The following SAXO1 variants were observed in gnomAD, a reference collection of about 807,000 sequenced individuals.
SAXO1 encodes the protein 4930500O09Rik.
SAXO1 carries 21 observed loss-of-function variants against 17.5 expected under a neutral mutation model. That is an observed-to-expected ratio of 1.20 (90% CI 0.85 to 1.72). The LOEUF (loss-of-function observed/expected upper bound fraction) is 1.72, where lower values mean the gene tolerates loss of function less well. Ranked by LOEUF, SAXO1 falls within the 40% of genes most tolerant of loss-of-function variation. The probability of loss-of-function intolerance (pLI) is 0.00; values close to 1 mark genes in which losing one functional copy is unlikely to be tolerated. For missense variants in SAXO1, 843 were observed against 596.0 expected (o/e 1.41, Z -4.32); for synonymous variants, 274 against 216.5 (o/e 1.27, Z -2.33).
rs1182301177 is a variant in SAXO1 at position 19,049,162 on chromosome 9, T to C, written c.-158+47A>G. ...GGTGGTGGTGGCGGTTGGGGCTTTTTTTGGCCACGAGAGGGCAGCATTTCC... is the reference window on the plus strand; with the variant it reads ...GGTGGTGGTGGCGGTTGGGGCTTTTCTTGGCCACGAGAGGGCAGCATTTCC... On this transcript the variant is annotated intron_variant, in intron 1 of 3. Coordinates refer to the SAXO1 transcript ENST00000542071. The surrounding 1 kb of genome is among the most constrained non-coding windows in gnomAD (Gnocchi z 5.4). The C allele has an allele frequency of 1.3e-5, 2 of 152,604 alleles. No individual in the cohort carries two copies. The highest frequency in any genetic ancestry group is 3.9e-4 in the East Asian group (2 of 5,180). The allele number at this position is 152,604 out of a possible 1,614,324, so 9.5% of individuals were successfully genotyped here.
rs182334588 is a variant in SAXO1, at chr9:18,950,176, A to G, written c.218+582T>C. On this transcript the variant is annotated intron_variant, in intron 2 of 3. Coordinates refer to ENST00000380534, the MANE Select transcript of SAXO1 (RefSeq NM_153707.4). ...CTGAACCATGTGGCTCAGCCTCTGC[A>G]CAGACCTAGAGCTAAACAATCTTAG... 2.9e-3 allele frequency among the ~76,000 whole-genome samples: 439 copies of G among 152,318 alleles called. 5 individuals are homozygous for G. The South Asian group carries it at 0.043, about 15-fold the overall frequency.
Position 19,027,236 on chromosome 9 carries a change from A to G in SAXO1, c.38+5635T>C, listed in dbSNP as rs879007223. 4.1e-5 allele frequency: 46 copies of G among 1,124,900 alleles called. No homozygotes were observed. In the South Asian group the frequency reaches 4.9e-4, roughly 12 times the overall value. The allele number at this position is 1,124,900 out of a possible 1,614,324, so 69.7% of individuals were successfully genotyped here. A position where few individuals can be genotyped will look rare whatever the true frequency, so the allele number is the denominator to read the frequency against. On this transcript the variant is annotated intron_variant, in intron 1 of 3. Coordinates refer to ENST00000380534, the MANE Select transcript of SAXO1 (RefSeq NM_153707.4). The stretch of plus-strand genomic sequence containing the variant: ...TGATCAAAACCTCTACACGACAGAC[A>G]TACTTCCTACCTGTGATTGGATTGG...
intron 3 of SAXO1, among the ~76,000 whole-genome samples, chr9:18,937,188 A>T (rs1831333100): frequency 6.6e-6 from 1 of 152,220 alleles, no homozygotes; most frequent in Admixed American, 6.5e-5. Context: ...GACCCCTCAT[A>T]AATGCATGGG....
intron 1 of SAXO1, among the ~76,000 whole-genome samples, chr9:19,004,236 A>G (rs1321906892): frequency 6.6e-6 from 1 of 152,240 alleles, no homozygotes; most frequent in Non-Finnish European, 1.5e-5. Context: ...AGGAAACAAC[A>G]GTTGCTGGAG....
chr9:18,948,006 C>G (rs1481588094), intron 2 of SAXO1, among the ~76,000 whole-genome samples: 1 of 152,164 alleles, frequency 6.6e-6, no homozygotes, highest in Non-Finnish European at 1.5e-5. Context: ...AGAAACTAAG[C>G]AGGGTCACTG....
chr9:18,996,849 G>T (rs1834025560), intron 1 of SAXO1, among the ~76,000 whole-genome samples: 1 of 151,734 alleles, frequency 6.6e-6, no homozygotes, highest in Admixed American at 6.6e-5. Flanking sequence ...GAGAAATGAG[G>T]CAAGAAAAAA....
chr9:18,971,099 C>T (rs1832925879), intron 1 of SAXO1, among the ~76,000 whole-genome samples: 1 of 152,078 alleles, frequency 6.6e-6, no homozygotes, highest in East Asian at 1.9e-4. Flanking sequence ...CCAACCCATA[C>T]CTTTTCCTAC....
At chr9:19,019,657 G>C (rs755281998) in intron 1 of SAXO1, among the ~76,000 whole-genome samples, 1 of 152,024 alleles carries the variant, frequency 6.6e-6, no homozygotes, top group Non-Finnish European at 1.5e-5. Flanking sequence ...TTGAGCCAGG[G>C]AGGCAGAGGT....
intron 1 of SAXO1, among the ~76,000 whole-genome samples, chr9:18,993,567 G>C (rs1159266855): frequency 1.3e-5 from 2 of 152,178 alleles, no homozygotes; most frequent in Admixed American, 6.5e-5. Flanking sequence ...CTGTACAGGA[G>C]AGGTACAAGT....
intron 1 of SAXO1, among the ~76,000 whole-genome samples, chr9:19,019,237 A>G (rs145504051): frequency 7.5e-4 from 115 of 152,352 alleles, no homozygotes; most frequent in African/African-American, 2.3e-3. Context: ...TCCGATGATC[A>G]TATTAAAATA....
In SAXO1 at chr9:18,928,176, T is replaced by A; in HGVS notation, c.1301A>T (p.Glu434Val). Residue 434 changes from glutamate to valine, a missense_variant, in exon 4 of 4, where the codon GAA becomes GTA. By Grantham distance (121) the Glu-to-Val change is moderately radical. Coordinates refer to ENST00000380534, the MANE Select transcript of SAXO1 (RefSeq NM_153707.4). ...YPEPPGYTFE[E>V]VDALGHRIYK... Reference sequence around the variant, plus strand: ...TATCCTGTGACCCAAAGCATCCACTTCCTCAAAGGTGTAGCCAGGAGGCTC... The same window carrying A: ...TATCCTGTGACCCAAAGCATCCACTACCTCAAAGGTGTAGCCAGGAGGCTC... 3 of 1,614,172 alleles carry A rather than the reference T, an allele frequency of 1.9e-6. No homozygotes were observed. Among genetic ancestry groups the A allele is most frequent in the South Asian group, 1.1e-5 (1 of 91,066 alleles).
intron 1 of SAXO1, among the ~76,000 whole-genome samples, chr9:19,028,349 C>G (rs570806514): frequency 3.1e-4 from 47 of 152,270 alleles, no homozygotes; most frequent in African/African-American, 1.1e-3. Context: ...GCACTCCAGC[C>G]TGGGCAACAG....
intron 1 of SAXO1, among the ~76,000 whole-genome samples, chr9:19,012,904 A>C (rs1461301749): frequency 6.6e-6 from 1 of 152,194 alleles, no homozygotes; most frequent in Non-Finnish European, 1.5e-5. Context: ...TGCTGACAGA[A>C]ATCAAGATTC....
chr9:18,981,852 T>C (rs981514037), intron 1 of SAXO1, among the ~76,000 whole-genome samples: 7 of 152,194 alleles, frequency 4.6e-5, no homozygotes, highest in African/African-American at 1.2e-4. Context: ...AGAACCAAGA[T>C]TTCAATTCAG....
intron 1 of SAXO1, among the ~76,000 whole-genome samples, chr9:18,982,181 C>G (rs1833416248): frequency 6.6e-6 from 1 of 152,190 alleles, no homozygotes; most frequent in South Asian, 2.1e-4. Flanking sequence ...ATCCTCAATA[C>G]TAAGATGTCC....
intron 1 of SAXO1, among the ~76,000 whole-genome samples, chr9:18,957,684 G>C (rs576366048): frequency 6.6e-6 from 1 of 152,258 alleles, no homozygotes; most frequent in Admixed American, 6.5e-5. Flanking sequence ...CAATAGCTTA[G>C]AATGATTCTA....
intron 1 of SAXO1, among the ~76,000 whole-genome samples, chr9:18,968,430 G>T (rs534889741): frequency 3.3e-5 from 5 of 152,170 alleles, no homozygotes; most frequent in African/African-American, 1.2e-4. Flanking sequence ...CTAAGTGACA[G>T]ATACGTAGCC....
At chr9:19,023,128 C>T (rs1835316709) in intron 1 of SAXO1, among the ~76,000 whole-genome samples, 1 of 144,778 alleles carries the variant, frequency 6.9e-6, no homozygotes, top group Admixed American at 6.9e-5. Flanking sequence ...GCCCCCCAAA[C>T]ACCAGATTAC....
In SAXO1 at chr9:18,994,073, C is replaced by T. The variant is rs1833916141; in HGVS notation, c.38+38798G>A. 2.0e-5 allele frequency among the ~76,000 whole-genome samples: 3 copies of T among 152,130 alleles called. No individual in the cohort carries two copies. In the South Asian group the frequency reaches 6.2e-4, roughly 31 times the overall value. On this transcript the variant is annotated intron_variant, in intron 1 of 3. Coordinates refer to ENST00000380534, the MANE Select transcript of SAXO1 (RefSeq NM_153707.4). ...TGAAAAAATTAGAGAATCCTTTTATCAAAAAATATCAAGTCTGTTCAAATT... is the reference window on the plus strand; with the variant it reads ...TGAAAAAATTAGAGAATCCTTTTATTAAAAAATATCAAGTCTGTTCAAATT...
Sources: gnomAD v4.1 joint callset for allele counts (sites outside exome capture counted in the v4.1 genomes callset) on GRCh38, gnomAD v4.1.1 for gene constraint, Gnocchi (gnomAD v3.1) non-coding constraint, MANE v1.5 for transcripts, NCBI Gene and HGNC (gene_info 2026-07-23, HGNC 2026-07-21) for gene names.